FSTL4: variants seen among roughly 807,000 people sequenced by gnomAD.
FSTL4 encodes the protein follistatin like 4, also known as follistatin-related protein 4.
In FSTL4, 28 loss-of-function variants were observed where a neutral mutation model predicts 78.2. That is an observed-to-expected ratio of 0.36 (90% CI 0.27 to 0.49). The LOEUF (loss-of-function observed/expected upper bound fraction) is 0.49, where lower values mean the gene tolerates loss of function less well. FSTL4 is among the 20% of genes least tolerant of loss of function. The probability of loss-of-function intolerance (pLI) is 0.98; values close to 1 mark genes in which losing one functional copy is unlikely to be tolerated. For missense variants in FSTL4, 922 were observed against 1,084.9 expected, an observed-to-expected ratio of 0.85 and a Z score of 2.11; for synonymous variants, 422 against 440.5, an observed-to-expected ratio of 0.96 and a Z score of 0.53.
chr5:133,434,775 C>T (rs957205215), intron 3 of FSTL4, among the ~76,000 whole-genome samples: 2 of 152,088 alleles, frequency 1.3e-5, no homozygotes, highest in Non-Finnish European at 2.9e-5. Flanking sequence ...CTTGCTAAAA[C>T]TGAATTTTAT....
chr5:133,598,087 G>C (rs1760777184), intron 2 of FSTL4, among the ~76,000 whole-genome samples: 1 of 152,088 alleles, frequency 6.6e-6, no homozygotes, highest in Non-Finnish European at 1.5e-5. Context: ...TGCCCACTAA[G>C]CTAGTCTCAT....
the FSTL4 span, among the ~76,000 whole-genome samples, chr5:133,684,612 T>C: frequency 3.9e-5 from 6 of 152,230 alleles, no homozygotes; most frequent in East Asian, 1.2e-3. Context: ...ACCTAATCCC[T>C]GGTCTTTCTG....
At chr5:133,533,894 G>A (rs969697945) in intron 3 of FSTL4, among the ~76,000 whole-genome samples, 3 of 151,906 alleles carry the variant, frequency 2.0e-5, no homozygotes, top group African/African-American at 7.3e-5. Context: ...TGGCTCCCCC[G>A]AGTCCTTGCT....
intron 3 of FSTL4, among the ~76,000 whole-genome samples, chr5:133,494,709 A>G (rs1292803105): frequency 1.3e-5 from 2 of 152,226 alleles, no homozygotes; most frequent in Non-Finnish European, 2.9e-5. Flanking sequence ...ATCCCTTTGA[A>G]GAGTATGACC....
intron 3 of FSTL4, among the ~76,000 whole-genome samples, chr5:133,516,588 C>T (rs1339533855): frequency 2.6e-5 from 4 of 152,152 alleles, no homozygotes; most frequent in Admixed American, 2.6e-4. Context: ...TCCCCTATAA[C>T]AGTAACACAA....
chr5:133,430,432 T>C (rs1561714331), intron 3 of FSTL4, among the ~76,000 whole-genome samples: 1 of 152,114 alleles, frequency 6.6e-6, no homozygotes. Context: ...TTTGTTGCCA[T>C]GGAAATGAAT....
intron 15 of FSTL4, among the ~76,000 whole-genome samples, chr5:133,200,894 A>G (rs1393395601): frequency 2.6e-5 from 4 of 152,232 alleles, no homozygotes; most frequent in Admixed American, 2.6e-4. Flanking sequence ...CTCTGCTCTT[A>G]TAAGAAACTT....
At chr5:133,434,977 CT>C (rs1325637703) in intron 3 of FSTL4, among the ~76,000 whole-genome samples, 1 of 152,002 alleles carries the variant, frequency 6.6e-6, no homozygotes, top group Non-Finnish European at 1.5e-5. Context: ...GGATGGTCAT[CT>C]TTTTTATTGA....
At chr5:133,447,961 C>A (rs1757301515) in intron 3 of FSTL4, among the ~76,000 whole-genome samples, 1 of 151,938 alleles carries the variant, frequency 6.6e-6, no homozygotes, top group Non-Finnish European at 1.5e-5. Flanking sequence ...GAACAGATGG[C>A]AAGATTTTTT....
intron 4 of FSTL4, among the ~76,000 whole-genome samples, chr5:133,335,681 T>TG (rs574479956): frequency 0.012 from 1,840 of 150,432 alleles, 34 homozygotes; most frequent in African/African-American, 0.038. Context: ...TCCCCTTTCT[T>TG]GGGGGGGGTG....
intron 3 of FSTL4, among the ~76,000 whole-genome samples, chr5:133,522,077 A>G (rs908204778): frequency 9.9e-5 from 15 of 152,176 alleles, no homozygotes; most frequent in Middle Eastern, 3.2e-3. Context: ...AGAGTTCCCC[A>G]CAGTGACATA....
intron 3 of FSTL4, among the ~76,000 whole-genome samples, chr5:133,500,637 C>G (rs1758474506): frequency 6.6e-6 from 1 of 152,074 alleles, no homozygotes; most frequent in Non-Finnish European, 1.5e-5. Context: ...GTTAATTTTC[C>G]AAGCTTGCAC....
At chr5:133,262,585 C>T (rs12108685) in intron 6 of FSTL4, among the ~76,000 whole-genome samples, 5,846 of 152,278 alleles carry the variant, frequency 0.038, 400 homozygotes, top group African/African-American at 0.13. Context: ...ACCACAATCC[C>T]TTCTCCTTCC....
At chr5:133,678,083 CTT>C in the FSTL4 span, among the ~76,000 whole-genome samples, 4,956 of 152,282 alleles carry the variant, frequency 0.033, 98 homozygotes, top group South Asian at 0.074. Flanking sequence ...AATCTACTCT[CTT>C]AGCATTTTTC....
intron 14 of FSTL4, among the ~76,000 whole-genome samples, chr5:133,206,535 T>C (rs1018940419): frequency 6.6e-6 from 1 of 152,142 alleles, no homozygotes; most frequent in Admixed American, 6.5e-5. Context: ...CTAATTTTTG[T>C]ATTTTTAGTA....
intron 4 of FSTL4, among the ~76,000 whole-genome samples, chr5:133,328,205 G>T (rs1373607269): frequency 2.0e-5 from 3 of 152,202 alleles, no homozygotes; most frequent in Admixed American, 2.0e-4. Flanking sequence ...CTCCAAGGCT[G>T]GTGGCAATAT....
the FSTL4 span, among the ~76,000 whole-genome samples, chr5:133,625,760 CATATATATTCCAT>C: frequency 8.7e-4 from 16 of 18,470 alleles, 5 homozygotes; most frequent in African/African-American, 4.8e-3. Context: ...ATATATATTC[CATATATATTCCAT>C]ATATATATAT....
the FSTL4 span, among the ~76,000 whole-genome samples, chr5:133,756,396 T>G: frequency 6.6e-6 from 1 of 151,686 alleles, no homozygotes; most frequent in Admixed American, 6.6e-5. Flanking sequence ...GAAAAGCCAC[T>G]GGGGATTCCA....
At chr5:133,729,092 A>G in the FSTL4 span, among the ~76,000 whole-genome samples, 321 of 152,286 alleles carry the variant, frequency 2.1e-3, no homozygotes, top group Admixed American at 4.4e-3. Context: ...TGAGAGGAAC[A>G]ATTTCTGGAA....
Sources: allele counts gnomAD v4.1 joint callset (sites outside exome capture counted in the v4.1 genomes callset), GRCh38; gene constraint gnomAD v4.1.1; transcripts MANE v1.5; gene names NCBI Gene and HGNC (gene_info 2026-07-23, HGNC 2026-07-21).